NTM: variants seen among roughly 807,000 people sequenced by gnomAD.
NTM encodes neurotrimin, also known as IgLON family member 2.
A neutral mutation model predicts 42.1 loss-of-function variants in NTM; 13 were observed. The ratio of observed to expected loss-of-function variants is 0.31; its 90% confidence interval spans 0.20 to 0.49. The LOEUF (loss-of-function observed/expected upper bound fraction) is 0.49, where lower values mean the gene tolerates loss of function less well. Ranked by LOEUF, NTM falls within the 20% of genes least tolerant of loss-of-function variation. The pLI, the probability that NTM is intolerant of heterozygous loss-of-function variation, is 0.99. For synonymous variants in NTM, 187 were observed against 179.2 expected, an observed-to-expected ratio of 1.04 and a Z score of -0.35; for missense variants, 373 against 452.8, an observed-to-expected ratio of 0.82 and a Z score of 1.60.
At chr11:132,331,033 C>G (rs768535796) in intron 8 of NTM, among the ~76,000 whole-genome samples, 17 of 152,236 alleles carry the variant, frequency 1.1e-4, no homozygotes, top group Non-Finnish European at 2.4e-4. Flanking sequence ...TGTGGGATGG[C>G]CTGCGGGAAG....
chr11:131,384,093 T>C (rs377725938), intron 1 of NTM, among the ~76,000 whole-genome samples: 48 of 152,312 alleles, frequency 3.2e-4, no homozygotes, highest in African/African-American at 1.1e-3. Context: ...ATTAATGCAA[T>C]TTGGGTCATG....
chr11:131,390,913 C>T (rs1204212187), intron 1 of NTM, among the ~76,000 whole-genome samples: 1 of 152,074 alleles, frequency 6.6e-6, no homozygotes, highest in East Asian at 1.9e-4. Context: ...GGTTACCTGG[C>T]CAGAGGTACC....
intron 1 of NTM, among the ~76,000 whole-genome samples, chr11:131,721,036 C>T (rs906754168): frequency 4.4e-4 from 67 of 151,738 alleles, no homozygotes; most frequent in African/African-American, 1.5e-3. Context: ...TTTTACTTTC[C>T]TATGAAAAAC....
chr11:131,807,997 C>A (rs563543878), intron 1 of NTM, among the ~76,000 whole-genome samples: 16 of 152,282 alleles, frequency 1.1e-4, no homozygotes, highest in African/African-American at 3.8e-4. Flanking sequence ...ATTTTGGAGA[C>A]GTCCTTCCTT....
At chr11:131,521,289 T>C (rs1000209498) in intron 1 of NTM, among the ~76,000 whole-genome samples, 2 of 144,678 alleles carry the variant, frequency 1.4e-5, no homozygotes, top group African/African-American at 5.2e-5. Context: ...TACTCCAGCC[T>C]GGGTGACAGA....
intron 1 of NTM, among the ~76,000 whole-genome samples, chr11:131,475,945 T>C (rs182891543): frequency 4.1e-4 from 63 of 152,228 alleles, no homozygotes; most frequent in African/African-American, 1.4e-3. Flanking sequence ...GACACTGAGA[T>C]ATGGGCATAA....
intron 1 of NTM, among the ~76,000 whole-genome samples, chr11:131,497,533 G>A (rs1019007725): frequency 6.6e-6 from 1 of 152,204 alleles, no homozygotes; most frequent in African/African-American, 2.4e-5. Context: ...TCTACATGAT[G>A]TGTGGTGCCC....
chr11:132,324,989 C>T (rs1400075095), intron 7 of NTM, among the ~76,000 whole-genome samples: 1 of 151,764 alleles, frequency 6.6e-6, no homozygotes, highest in East Asian at 1.9e-4. Context: ...GAAACTGGAT[C>T]CCTTCCTTAC....
chr11:132,242,323 G>A (rs1464369183), intron 4 of NTM, among the ~76,000 whole-genome samples: 1 of 152,114 alleles, frequency 6.6e-6, no homozygotes, highest in African/African-American at 2.4e-5. Context: ...TGGCTTTCCT[G>A]GAAATGGAGG....
At chr11:131,904,750 T>C (rs1376041044) in intron 1 of NTM, among the ~76,000 whole-genome samples, 1 of 152,176 alleles carries the variant, frequency 6.6e-6, no homozygotes, top group Non-Finnish European at 1.5e-5. Flanking sequence ...ACTTTCAAAG[T>C]TTCCCAGGCT....
At chr11:131,423,665 C>T (rs144057613) in intron 1 of NTM, among the ~76,000 whole-genome samples, 7 of 152,240 alleles carry the variant, frequency 4.6e-5, no homozygotes, top group African/African-American at 1.7e-4. Flanking sequence ...TGCTGACAGT[C>T]GTGAAAAAGC....
chr11:132,039,908 A>C (rs552777496), intron 2 of NTM, among the ~76,000 whole-genome samples: 1 of 152,266 alleles, frequency 6.6e-6, no homozygotes, highest in South Asian at 2.1e-4. Flanking sequence ...ACCACCTGAA[A>C]GTCATTCCCA....
At chr11:131,904,627 A>G (rs1391846655) in intron 1 of NTM, among the ~76,000 whole-genome samples, 2 of 152,178 alleles carry the variant, frequency 1.3e-5, no homozygotes, top group Non-Finnish European at 2.9e-5. Flanking sequence ...GGCACCTTGG[A>G]GCAATGAAGG....
chr11:131,566,848 T>G (rs1016191067), intron 1 of NTM, among the ~76,000 whole-genome samples: 3 of 152,178 alleles, frequency 2.0e-5, no homozygotes, highest in African/African-American at 7.2e-5. Context: ...GCCTCTTGTT[T>G]GCAGATTATT....
intron 1 of NTM, among the ~76,000 whole-genome samples, chr11:131,545,171 T>C (rs1415080124): frequency 3.9e-5 from 6 of 152,164 alleles, no homozygotes; most frequent in African/African-American, 1.4e-4. Context: ...ACAGTGAAAA[T>C]GGGTATCATT....
chr11:131,843,560 A>C lies in NTM; in HGVS notation c.83-68004A>C, dbSNP rs530416335. ...TCTCCACCTGTAAAAACAATGCTGC[A>C]ATAAACATGCATGTATGCAGCTTGT... On this transcript the variant is annotated intron_variant, in intron 1 of 8. Coordinates refer to ENST00000683400, the MANE Select transcript of NTM (RefSeq NM_001352005.2). Among the ~76,000 whole-genome samples the C allele has an allele frequency of 5.9e-5, 9 of 152,348 alleles. No homozygotes were observed. The East Asian group carries it at 1.7e-3, about 29-fold the overall frequency.
At chr11:132,319,042 G>A (rs1057326186) in intron 7 of NTM, among the ~76,000 whole-genome samples, 1 of 152,224 alleles carries the variant, frequency 6.6e-6, no homozygotes, top group African/African-American at 2.4e-5. Flanking sequence ...GACTTATTCA[G>A]ATTCAACCTA....
Position 131,370,832 on chromosome 11 carries a change from A to T in NTM, c.26A>T (p.His9Leu). Residue 9 changes from histidine (H) to leucine (L), a missense_variant, in exon 1 of 9, where the codon CAC (histidine) becomes CTC (leucine). Transcript: ENST00000683400. Reference protein sequence around the residue: MKTIQPKMHNSISWAIFTG... With the variant: MKTIQPKMLNSISWAIFTG... ...ATGAAAACCATCCAGCCAAAAATGC[A>T]CAATTCTATCTCTTGGGCAATCTTC... is the stretch of plus-strand genomic sequence containing the variant. 6.2e-7 allele frequency: 1 copy of T among 1,614,062 alleles called. No individual in the cohort carries two copies. The highest frequency in any genetic ancestry group is 1.1e-5 in the South Asian group (1 of 91,028).
chr11:131,443,969 G>C (rs2135994058), intron 1 of NTM, among the ~76,000 whole-genome samples: 1 of 152,222 alleles, frequency 6.6e-6, no homozygotes, highest in African/African-American at 2.4e-5. Flanking sequence ...AAGAGATCTT[G>C]ACCAGAGACA....
Sources: gnomAD v4.1 joint callset for allele counts (sites outside exome capture counted in the v4.1 genomes callset) on GRCh38, gnomAD v4.1.1 for gene constraint, MANE v1.5 for transcripts, NCBI Gene and HGNC (gene_info 2026-07-23, HGNC 2026-07-21) for gene names.